The following NOS1AP variants were observed in gnomAD, a reference collection of about 807,000 sequenced individuals.
The protein encoded by NOS1AP is nitric oxide synthase 1 adaptor protein.
NOS1AP carries 21 observed loss-of-function variants against 56.2 expected under a neutral mutation model. The ratio of observed to expected loss-of-function variants is 0.37; its 90% CI spans 0.26 to 0.54. The LOEUF (loss-of-function observed/expected upper bound fraction) is 0.54, where lower values mean the gene tolerates loss of function less well. NOS1AP is among the 20% of genes least tolerant of loss of function. The pLI is 0.84. For synonymous variants in NOS1AP, 270 were observed against 274.6 expected (o/e 0.98, Z 0.17); for missense variants, 522 against 657.8 (o/e 0.79, Z 2.26).
intron 1 of NOS1AP, among the ~76,000 whole-genome samples, chr1:162,074,370 C>T (rs2102009123): frequency 6.6e-6 from 1 of 152,278 alleles, no homozygotes; most frequent in South Asian, 2.1e-4. Context: ...ATAGTTGCTC[C>T]CTTTGTAGTC....
chr1:162,260,748 G>C (rs1389081327), intron 2 of NOS1AP, among the ~76,000 whole-genome samples: 1 of 151,790 alleles, frequency 6.6e-6, no homozygotes, highest in Non-Finnish European at 1.5e-5. Context: ...AGATCTTGCA[G>C]CTCACTCTTT....
At chr1:162,359,252 A>G (rs1240036237) in intron 8 of NOS1AP, among the ~76,000 whole-genome samples, 1 of 152,164 alleles carries the variant, frequency 6.6e-6, no homozygotes, top group Non-Finnish European at 1.5e-5. Flanking sequence ...GGTGATCAAA[A>G]GGCCACCATA....
intron 2 of NOS1AP, among the ~76,000 whole-genome samples, chr1:162,278,664 CGTGTGTGTGTGT>C (rs57058985): frequency 0.12 from 17,395 of 143,144 alleles, 1,331 homozygotes; most frequent in African/African-American, 0.21. Flanking sequence ...ACTCCTTCTA[CGTGTGTGTGTGT>C]GTGTGTGTGT....
At chr1:162,175,815 A>G (rs985581231) in intron 2 of NOS1AP, among the ~76,000 whole-genome samples, 1 of 152,214 alleles carries the variant, frequency 6.6e-6, no homozygotes, top group African/African-American at 2.4e-5. Flanking sequence ...TATTACATAA[A>G]TCATTCTAGC....
chr1:162,204,994 T>C (rs1652114304), intron 2 of NOS1AP, among the ~76,000 whole-genome samples: 1 of 152,204 alleles, frequency 6.6e-6, no homozygotes, highest in Admixed American at 6.5e-5. Flanking sequence ...ACACCAGATA[T>C]TCATGAGGCT....
At chr1:162,185,455 T>G (rs1252692963) in intron 2 of NOS1AP, among the ~76,000 whole-genome samples, 1 of 152,186 alleles carries the variant, frequency 6.6e-6, no homozygotes, top group Non-Finnish European at 1.5e-5. Context: ...TGCCTTTTGG[T>G]CAATAATCTG....
rs1647343967 is a variant in NOS1AP at position 162,370,008 on chromosome 1, A to T, written c.*2541A>T. ...ACTCAACTCTGCCTTCCTCTTTTTC[A>T]TTCTTCTACTCTGCCCTATATGGAG... is the stretch of plus-strand genomic sequence containing the variant. On this transcript the variant is annotated 3_prime_UTR_variant, in exon 10 of 10. Coordinates refer to ENST00000361897, the MANE Select transcript of NOS1AP (RefSeq NM_014697.3). 1 of 152,144 alleles carries T rather than the reference A, an allele frequency of 6.6e-6. No homozygotes were observed. Among genetic ancestry groups the T allele is most frequent in the Admixed American group, 6.6e-5 (1 of 15,258 alleles). 9.4% of individuals were successfully genotyped at this position (152,144 alleles called of 1,614,324 possible).
intron 2 of NOS1AP, among the ~76,000 whole-genome samples, chr1:162,220,006 C>T (rs1652715994): frequency 6.6e-6 from 1 of 152,250 alleles, no homozygotes; most frequent in African/African-American, 2.4e-5. Context: ...TCATACCTCA[C>T]TGCAACCTCA....
intron 1 of NOS1AP, among the ~76,000 whole-genome samples, chr1:162,072,204 G>A (rs1026820027): frequency 1.1e-4 from 16 of 152,302 alleles, no homozygotes; most frequent in African/African-American, 3.8e-4. Context: ...AATCAGGTGA[G>A]GGGGTTAACA....
At chr1:162,302,484 G>A (rs1178503269) in intron 4 of NOS1AP, among the ~76,000 whole-genome samples, 2 of 152,196 alleles carry the variant, frequency 1.3e-5, no homozygotes, top group Non-Finnish European at 2.9e-5. Flanking sequence ...TTTTGTAAAA[G>A]GAAGAGTTTC....
chr1:162,069,790 C>G lies in NOS1AP; in HGVS notation c.-388C>G, dbSNP rs1445454221. 2.6e-5 allele frequency: 4 copies of G among 154,812 alleles called. No homozygotes were observed. In the East Asian group the frequency reaches 5.7e-4, roughly 22 times the overall value. 9.6% of individuals were successfully genotyped at this position (154,812 alleles called of 1,614,324 possible). On this transcript the variant is annotated 5_prime_UTR_variant, in exon 1 of 10. Transcript: ENST00000361897. ...GCCACCGCCACCGTCGCCTTTTCTT[C>G]TTCGTCCCGGGCGGTGCGTTCCACT... is the stretch of plus-strand genomic sequence containing the variant.
At chr1:162,142,379 T>A (rs1363678931) in intron 1 of NOS1AP, among the ~76,000 whole-genome samples, 3 of 152,170 alleles carry the variant, frequency 2.0e-5, no homozygotes, top group Non-Finnish European at 4.4e-5. Flanking sequence ...TTTGAGGAAG[T>A]TCCTTTCTAT....
chr1:162,278,371 G>C (rs377409375), intron 2 of NOS1AP, among the ~76,000 whole-genome samples: 1 of 152,184 alleles, frequency 6.6e-6, no homozygotes, highest in Non-Finnish European at 1.5e-5. Context: ...GTGAATACTT[G>C]CTGTGAAATA....
chr1:162,323,801 G>T (rs532081972), intron 4 of NOS1AP, among the ~76,000 whole-genome samples: 1 of 152,158 alleles, frequency 6.6e-6, no homozygotes, highest in Non-Finnish European at 1.5e-5. Context: ...GAAAGCAGAC[G>T]AGCTGCAACC....
intron 4 of NOS1AP, among the ~76,000 whole-genome samples, chr1:162,332,368 A>G (rs1236908315): frequency 2.0e-5 from 3 of 151,938 alleles, no homozygotes; most frequent in African/African-American, 7.3e-5. Context: ...GCTTATTTGC[A>G]TTGTCTACGT....
intron 8 of NOS1AP, chr1:162,360,694 T>C (rs942961437): frequency 1.7e-5 from 7 of 401,722 alleles, no homozygotes; most frequent in African/African-American, 1.4e-4. Context: ...CCCCAGGCCC[T>C]CTATTTAGCA....
At chr1:162,241,208 G>A (rs1355328664) in intron 2 of NOS1AP, among the ~76,000 whole-genome samples, 18 of 152,298 alleles carry the variant, frequency 1.2e-4, no homozygotes, top group South Asian at 4.1e-4. Flanking sequence ...AGCCAGACAA[G>A]GGAAGCAGAG....
At chr1:162,315,185 G>T (rs1266172307) in intron 4 of NOS1AP, among the ~76,000 whole-genome samples, 3 of 152,230 alleles carry the variant, frequency 2.0e-5, no homozygotes, top group Non-Finnish European at 2.9e-5. Context: ...CCATGTGAAG[G>T]CCTAGAGTAA....
At chr1:162,226,566 G>A (rs1350186964) in intron 2 of NOS1AP, among the ~76,000 whole-genome samples, 1 of 152,176 alleles carries the variant, frequency 6.6e-6, no homozygotes, top group Non-Finnish European at 1.5e-5. Flanking sequence ...GGATTAGTAA[G>A]GATTGTAAGG....
Sources: allele counts gnomAD v4.1 joint callset (sites outside exome capture counted in the v4.1 genomes callset), GRCh38; gene constraint gnomAD v4.1.1; transcripts MANE v1.5; gene names NCBI Gene and HGNC (gene_info 2026-07-23, HGNC 2026-07-21).